The following SLC22A9 variants were observed in gnomAD, a reference collection of about 807,000 sequenced individuals.
The protein encoded by SLC22A9 is organic anion transporter 7.
A neutral mutation model predicts 50.1 loss-of-function variants in SLC22A9; 64 were observed. That is an observed-to-expected ratio of 1.28 (90% confidence interval 1.04 to 1.57). The LOEUF (loss-of-function observed/expected upper bound fraction) is 1.57, where lower values mean the gene tolerates loss of function less well. SLC22A9 is among the 40% of genes most tolerant of loss of function. The pLI, the probability that SLC22A9 is intolerant of heterozygous loss-of-function variation, is 0.00. For missense variants in SLC22A9, 757 were observed against 676.1 expected (o/e 1.12, Z -1.33); for synonymous variants, 261 against 242.5 (o/e 1.08, Z -0.71).
chr11:63,381,692 G>A (rs2014563734), intron 5 of SLC22A9, among the ~76,000 whole-genome samples: 1 of 152,164 alleles, frequency 6.6e-6, no homozygotes, highest in African/African-American at 2.4e-5. Flanking sequence ...GTATTTCTGA[G>A]CCAAGAACCA....
chr11:63,406,047 T>G (rs1366090839), intron 6 of SLC22A9, among the ~76,000 whole-genome samples: 1 of 152,196 alleles, frequency 6.6e-6, no homozygotes, highest in African/African-American at 2.4e-5. Context: ...AAATATGAGT[T>G]TGAGACTTGG....
At chr11:63,398,703 C>T (rs956803681) in intron 6 of SLC22A9, among the ~76,000 whole-genome samples, 1 of 149,762 alleles carries the variant, frequency 6.7e-6, no homozygotes, top group African/African-American at 2.6e-5. Context: ...GGGAGATGGG[C>T]AGGGTTGGCA....
At chr11:63,384,370 C>G (rs1435606241) in intron 6 of SLC22A9, among the ~76,000 whole-genome samples, 1 of 152,184 alleles carries the variant, frequency 6.6e-6, no homozygotes, top group Non-Finnish European at 1.5e-5. Flanking sequence ...TCAGCTCCCA[C>G]TTATAAGTGA....
At chr11:63,400,955 C>T (rs2119997826) in intron 6 of SLC22A9, among the ~76,000 whole-genome samples, 1 of 152,096 alleles carries the variant, frequency 6.6e-6, no homozygotes, top group Middle Eastern at 3.4e-3. Context: ...CGAATTCTCT[C>T]TTTATGATAA....
intron 6 of SLC22A9, among the ~76,000 whole-genome samples, chr11:63,396,577 C>CCTA: frequency 6.6e-6 from 1 of 152,168 alleles, no homozygotes; most frequent in Non-Finnish European, 1.5e-5. Context: ...AGTCGGCTTC[C>CCTA]TCCAAAGGGT....
chr11:63,401,715 A>G (rs987269309), intron 6 of SLC22A9, among the ~76,000 whole-genome samples: 1 of 152,048 alleles, frequency 6.6e-6, no homozygotes, highest in Admixed American at 6.6e-5. Context: ...GCTAATTTGC[A>G]TTCCCACCCG....
At position 63,370,472 on chromosome 11, in the gene SLC22A9, T is replaced by C. The variant is rs746180372; in HGVS notation, c.402+14T>C. On this transcript the variant is annotated intron_variant, in intron 1 of 9. Coordinates refer to ENST00000279178, the MANE Select transcript of SLC22A9 (RefSeq NM_080866.3). ...ATCGTGACTGAGGTAAGAGGCTCTGTTCTCGTCTCATGAGTATGTGACCTG... is the reference window on the plus strand; with the variant it reads ...ATCGTGACTGAGGTAAGAGGCTCTGCTCTCGTCTCATGAGTATGTGACCTG... The C allele has an allele frequency of 1.9e-6, 3 of 1,555,098 alleles. No homozygotes were observed. In the South Asian group the frequency reaches 3.8e-5, roughly 20 times the overall value.
chr11:63,391,139 CTT>C (rs1238189864), intron 6 of SLC22A9, among the ~76,000 whole-genome samples: 9 of 152,128 alleles, frequency 5.9e-5, no homozygotes, highest in Admixed American at 1.3e-4. Context: ...CAAAATTCCT[CTT>C]GTTATTGATT....
rs148336147 is a variant in SLC22A9 at position 63,394,146 on chromosome 11, G to A, written c.1073+11869G>A. ...GTGTTGTGTTTTTCAGCTCCATCAG[G>A]TCATTTATGTTATTCTCTAAACTGG... is the stretch of plus-strand genomic sequence containing the variant. On this transcript the variant is annotated intron_variant, in intron 6 of 9. Coordinates refer to ENST00000279178, the MANE Select transcript of SLC22A9 (RefSeq NM_080866.3). Among the ~76,000 whole-genome samples the A allele has an allele frequency of 5.7e-3, 872 of 152,116 alleles. 7 individuals carry two copies. The highest frequency in any genetic ancestry group is 0.02 in the African/African-American group (837 of 41,486).
intron 6 of SLC22A9, among the ~76,000 whole-genome samples, chr11:63,397,660 C>T (rs1278328296): frequency 6.6e-6 from 1 of 152,078 alleles, no homozygotes; most frequent in East Asian, 1.9e-4. Flanking sequence ...TGGCCACCAC[C>T]ACCCCACGTT....
At chr11:63,373,548 T>C (rs2014402362) in intron 2 of SLC22A9, 96 bp from the exon 3 acceptor site, 1 of 1,269,944 alleles carries the variant, frequency 7.9e-7, no homozygotes. Flanking sequence ...TTTCACTTGT[T>C]AAACATCTTT....
intron 5 of SLC22A9, among the ~76,000 whole-genome samples, chr11:63,378,540 A>G (rs1388263740): frequency 6.6e-6 from 1 of 152,124 alleles, no homozygotes; most frequent in African/African-American, 2.4e-5. Context: ...TAGACAAAAG[A>G]AAGAAAAGGC....
rs753530324 is a variant in SLC22A9 at position 63,370,072 on chromosome 11, C to T, written c.16C>T (p.Leu6Phe). 1 of 1,612,188 alleles carries T rather than the reference C, an allele frequency of 6.2e-7. No individual in the cohort carries two copies. Among genetic ancestry groups the T allele is most frequent in the Non-Finnish European group, 8.5e-7 (1 of 1,178,960 alleles). ...TTCAACCTCAATGGCCTTTCAGGAC[C>T]TCCTGGGTCACGCTGGTGACCTGTG... MAFQD[L>F]LGHAGDLWRF... The change falls in exon 1 of 10, where the codon CTC (leucine) becomes TTC (phenylalanine). Residue 6 changes from leucine (L) to phenylalanine (F), a missense_variant. Coordinates refer to ENST00000279178, the MANE Select transcript of SLC22A9 (RefSeq NM_080866.3).
intron 5 of SLC22A9, 78 bp downstream of exon 5, chr11:63,375,846 T>C: frequency 1.9e-6 from 3 of 1,538,490 alleles, no homozygotes; most frequent in African/African-American, 1.4e-5. Flanking sequence ...GCAGTGTCCA[T>C]AAGGTAAAAA....
Position 63,382,176 on chromosome 11 carries a change from G to GA in SLC22A9, c.978dup (p.Glu327ArgfsTer14), listed in dbSNP as rs746371616. 4 of 1,598,596 alleles carry GA rather than the reference G, an allele frequency of 2.5e-6. No homozygotes were observed. Among genetic ancestry groups the GA allele is most frequent in the South Asian group, 1.1e-5 (1 of 87,942 alleles). On this transcript the variant is annotated frameshift_variant, in exon 6 of 10. Coordinates refer to ENST00000279178, the MANE Select transcript of SLC22A9 (RefSeq NM_080866.3). LOFTEE classifies it high-confidence loss of function. ...TGTTGAAGATTTTGAAATCCACCAT[G>GA]AAAAAAGAACTGGAGGCAGCACAAA...
At chr11:63,386,178 C>T (rs1012471713) in intron 6 of SLC22A9, among the ~76,000 whole-genome samples, 3 of 152,080 alleles carry the variant, frequency 2.0e-5, no homozygotes, top group Admixed American at 6.6e-5. Context: ...TTGTGTGCTG[C>T]TGGATTCAGT....
In SLC22A9 at chr11:63,403,826, AATC is replaced by A. The variant is rs779436842; in HGVS notation, c.1074-2669_1074-2667del. Among the ~76,000 whole-genome samples, 265 of 151,868 alleles carry A rather than the reference AATC, an allele frequency of 1.7e-3. 1 individual carries two copies. The highest frequency in any genetic ancestry group is 3.1e-3 in the Non-Finnish European group (211 of 67,920). Reference sequence around the variant, plus strand: ...ATTATCAAAAATAAATAAATAAATCAATCAATCAATCAATAAATAAACAAGAAA... The same window carrying A: ...ATTATCAAAAATAAATAAATAAATCAAATCAATCAATAAATAAACAAGAAA... On this transcript the variant is annotated intron_variant, in intron 6 of 9. Coordinates refer to ENST00000279178, the MANE Select transcript of SLC22A9 (RefSeq NM_080866.3).
At chr11:63,393,576 T>C (rs1301855672) in intron 6 of SLC22A9, among the ~76,000 whole-genome samples, 1 of 152,118 alleles carries the variant, frequency 6.6e-6, no homozygotes, top group Non-Finnish European at 1.5e-5. Flanking sequence ...ATAGATGGCT[T>C]TTATTACATT....
At chr11:63,371,333 C>T (rs1591011006) in intron 2 of SLC22A9, 95 bp downstream of exon 2, 1 of 996,498 alleles carries the variant, frequency 1.0e-6, no homozygotes, top group South Asian at 1.6e-5. Context: ...AAATTACATT[C>T]TCCTGAGGCT....
Sources: gnomAD v4.1 joint callset for allele counts (sites outside exome capture counted in the v4.1 genomes callset) on GRCh38, gnomAD v4.1.1 for gene constraint, MANE v1.5 for transcripts, NCBI Gene and HGNC (gene_info 2026-07-23, HGNC 2026-07-21) for gene names.